The following STOML1 variants were observed in gnomAD, a reference collection of about 807,000 sequenced individuals.
STOML1 encodes stomatin-like protein 1.
In STOML1, 27 loss-of-function variants were observed where a neutral mutation model predicts 35.7. The observed-to-expected ratio is 0.76, with a 90% CI of 0.56 to 1.04. STOML1 has a LOEUF of 1.04. Ranked by LOEUF, STOML1 falls within the 50% of genes least tolerant of loss-of-function variation. The pLI is 0.00. For missense variants in STOML1, 451 were observed against 527.1 expected (o/e 0.86, Z 1.41); for synonymous variants, 219 against 227.9 (o/e 0.96, Z 0.35).
intron 2 of STOML1, among the ~76,000 whole-genome samples, chr15:73,989,689 G>T (rs1179983449): frequency 1.3e-5 from 2 of 152,192 alleles, no homozygotes; most frequent in Admixed American, 1.3e-4. Context: ...TCCTAGAGAA[G>T]TAGTGATGTC....
At chr15:73,993,029 A>G (rs1443511742), upstream of STOML1, among the ~76,000 whole-genome samples, 1 of 152,232 alleles carries the variant, frequency 6.6e-6, no homozygotes, top group African/African-American at 2.4e-5. Flanking sequence ...TGGCCTGGCC[A>G]GGTCACCGTG....
In STOML1 at chr15:73,988,366, G is replaced by A. The variant is rs1353999254; in HGVS notation, c.594+233C>T. ...GCAGACCCCAAGAATGTCTGCCGGGGCCACTTCCTCTTCTCAGGGACAAGT... is the reference window on the plus strand; with the variant it reads ...GCAGACCCCAAGAATGTCTGCCGGGACCACTTCCTCTTCTCAGGGACAAGT... On this transcript the variant is annotated intron_variant, in intron 4 of 6. Coordinates refer to ENST00000541638, the MANE Select transcript of STOML1 (RefSeq NM_004809.5). The surrounding 1 kb of genome is among the most constrained non-coding windows in gnomAD (Gnocchi z 4.8). The A allele has an allele frequency of 8.2e-5, 45 of 552,010 alleles. No individual in the cohort carries two copies. The highest frequency in any genetic ancestry group is 6.4e-6 in the Non-Finnish European group (2 of 310,676). The allele number at this position is 552,010 out of a possible 1,614,324, so 34.2% of individuals were successfully genotyped here. A position where few individuals can be genotyped will look rare whatever the true frequency, so the allele number is the denominator to read the frequency against.
At position 73,988,607 on chromosome 15, in the gene STOML1, G is replaced by A. The variant is rs764226631; in HGVS notation, c.586C>T (p.Gln196Ter). 4 of 1,614,212 alleles carry A rather than the reference G, an allele frequency of 2.5e-6. No homozygotes were observed. The South Asian group carries it at 3.3e-5, about 13-fold the overall frequency. Reference protein sequence around the residue: ...IQMEKLKISDQLLLEINDVTR... With the variant: ...IQMEKLKISD ...TGTGAGGGGCTGCCTACCAGAAGCT[G>A]GTCGCTGATCTTGAGCTTCTCCATC... The change falls in exon 4 of 7, where the codon CAG (glutamine) becomes TAG (stop). Residue 196 changes from glutamine (Q) to a stop codon, truncating the protein, a stop_gained. Transcript: ENST00000541638. LOFTEE classifies it high-confidence loss of function. This position sits in a 1 kb window ranked among gnomAD's most constrained non-coding sequence, Gnocchi z 4.8.
intron 6 of STOML1, 32 bp from the exon 7 acceptor site, chr15:73,984,162 G>A (rs761353483): frequency 6.9e-6 from 11 of 1,591,640 alleles, no homozygotes; most frequent in Non-Finnish European, 9.4e-6. Flanking sequence ...AGTGTCAGTA[G>A]GGGAATGGAG....
rs1567098298 is a variant in STOML1 at position 73,982,430 on chromosome 15, T to TTCCCTAGGAAG, written c.*1506_*1507insCTTCCTAGGGA. On this transcript the variant is annotated 3_prime_UTR_variant, in exon 7 of 7. Coordinates refer to ENST00000541638, the MANE Select transcript of STOML1 (RefSeq NM_004809.5). ...AGCCTGGGACTCTAGGAAGGGGCCC[T>TTCCCTAGGAAG]GGAAACCTGAACCTCAATGGCCATG... 1 of 152,886 alleles carries TTCCCTAGGAAG rather than the reference T, an allele frequency of 6.5e-6. No individual in the cohort carries two copies. Among genetic ancestry groups the TTCCCTAGGAAG allele is most frequent in the Non-Finnish European group, 1.5e-5 (1 of 68,624 alleles). The allele number at this position is 152,886 out of a possible 1,614,324, so 9.5% of individuals were successfully genotyped here.
chr15:73,979,581 A>C lies in STOML1; in HGVS notation c.*4356T>G, dbSNP rs948248486. ...CGGTCAGGCTGGTCTCAAACTCCTG[A>C]CCTCAGGTGATCCACCTGCCTCGGC... On this transcript the variant is annotated 3_prime_UTR_variant, in exon 7 of 7. Coordinates refer to ENST00000541638, the MANE Select transcript of STOML1 (RefSeq NM_004809.5). The C allele has an allele frequency of 1.3e-5, 2 of 152,178 alleles. No homozygotes were observed. The highest frequency in any genetic ancestry group is 2.4e-5 in the African/African-American group (1 of 41,424). The allele number at this position is 152,178 out of a possible 1,614,324, so 9.4% of individuals were successfully genotyped here. A position where few individuals can be genotyped will look rare whatever the true frequency, so the allele number is the denominator to read the frequency against.
At chr15:73,987,503 T>A (rs2069135490) in intron 4 of STOML1, 1 of 152,220 alleles carries the variant, frequency 6.6e-6, no homozygotes. Context: ...AGTTTTCTCT[T>A]CCTAAAGGTG....
upstream of STOML1, among the ~76,000 whole-genome samples, chr15:73,994,002 A>T (rs76741023): frequency 1.3e-5 from 2 of 151,144 alleles, no homozygotes; most frequent in Non-Finnish European, 2.9e-5. Flanking sequence ...TCTGCATCCC[A>T]CAGCCACTGT....
At chr15:73,989,282 G>A in intron 2 of STOML1, 25 bp from the exon 3 acceptor site, 2 of 1,559,898 alleles carry the variant, frequency 1.3e-6, no homozygotes, top group Non-Finnish European at 1.7e-6. Context: ...AAGGGAAAGA[G>A]TTGAAAGTGG....
At chr15:73,984,184 A>C in intron 6 of STOML1, 54 bp from the exon 7 acceptor site, 1 of 1,552,602 alleles carries the variant, frequency 6.4e-7, no homozygotes, top group Non-Finnish European at 8.8e-7. Flanking sequence ...AACGTGAAGG[A>C]GATCTATGGG....
chr15:73,983,680 C>T lies in STOML1; in HGVS notation c.*257G>A, dbSNP rs2068995391. 9 of 422,262 alleles carry T rather than the reference C, an allele frequency of 2.1e-5. No homozygotes were observed. The highest frequency in any genetic ancestry group is 6.1e-4 in the Middle Eastern group (1 of 1,644). The allele number at this position is 422,262 out of a possible 1,614,324, so 26.2% of individuals were successfully genotyped here. ...CCTGGCTCTCCTCCTGGAATCACACCGTGCACCCAGCTCAGCGCTGGGCAC... is the reference window on the plus strand; with the variant it reads ...CCTGGCTCTCCTCCTGGAATCACACTGTGCACCCAGCTCAGCGCTGGGCAC... On this transcript the variant is annotated 3_prime_UTR_variant, in exon 7 of 7. Coordinates refer to ENST00000541638, the MANE Select transcript of STOML1 (RefSeq NM_004809.5).
At chr15:73,993,590 C>A (rs1017449976), upstream of STOML1, among the ~76,000 whole-genome samples, 7 of 152,222 alleles carry the variant, frequency 4.6e-5, no homozygotes, top group Admixed American at 4.6e-4. Context: ...ATCTGCCCAA[C>A]CCCTGCTCTC....
chr15:73,988,902 C>A lies in STOML1; in HGVS notation c.391-100G>T. The A allele has an allele frequency of 6.6e-7, 1 of 1,508,716 alleles. No individual in the cohort carries two copies. The highest frequency in any genetic ancestry group is 9.0e-7 in the Non-Finnish European group (1 of 1,115,042). The allele number at this position is 1,508,716 out of a possible 1,614,324, so 93.5% of individuals were successfully genotyped here. On this transcript the variant is annotated intron_variant, in intron 3 of 6. Coordinates refer to ENST00000541638, the MANE Select transcript of STOML1 (RefSeq NM_004809.5). The surrounding 1 kb of genome is among the most constrained non-coding windows in gnomAD (Gnocchi z 4.8). The stretch of plus-strand genomic sequence containing the variant: ...CCAGCTTGAACCACCTGCTTGGCAG[C>A]TAGCTCCTCAAGGGCAAATGGTGTC...
chr15:73,983,849 T>A lies in STOML1; in HGVS notation c.*88A>T. The A allele has an allele frequency of 6.9e-7, 1 of 1,439,590 alleles. No homozygotes were observed. The allele number at this position is 1,439,590 out of a possible 1,614,324, so 89.2% of individuals were successfully genotyped here. On this transcript the variant is annotated 3_prime_UTR_variant, in exon 7 of 7. Coordinates refer to ENST00000541638, the MANE Select transcript of STOML1 (RefSeq NM_004809.5). ...AATTTGTTAGGGCCTCAACTCTCTG[T>A]GGTGCAGATGAACACCTCCTCCTCC...
At chr15:73,985,732 G>T in intron 4 of STOML1, 1 of 537,590 alleles carries the variant, frequency 1.9e-6, no homozygotes, top group Non-Finnish European at 3.2e-6. Flanking sequence ...GAGGAGGGTG[G>T]TGCCAGCAGG....
At position 73,992,158 on chromosome 15, in the gene STOML1, G is replaced by C. The variant is rs1355928887; in HGVS notation, c.66C>G (p.Ser22Arg). Residue 22 changes from serine to arginine, a missense_variant, in exon 1 of 7, where the codon AGC becomes AGG. Physicochemically the swap from Ser to Arg is moderately radical, Grantham distance 110. Transcript: ENST00000541638. ...LGDFDRFQQS[S>R]FGFLGSQKGC... ...CCTTCTGCGAGCCCAGAAAGCCGAA[G>C]CTCGACTGCTGGAAGCGGTCAAAAT... 3.1e-6 allele frequency: 5 copies of C among 1,609,230 alleles called. No homozygotes were observed. The highest frequency in any genetic ancestry group is 4.2e-6 in the Non-Finnish European group (5 of 1,178,308).
chr15:73,987,014 C>A (rs2141670010), intron 4 of STOML1: 1 of 154,366 alleles, frequency 6.5e-6, no homozygotes, highest in East Asian at 1.9e-4. Context: ...GGCAAGGAGG[C>A]AGGAAAGCAG....
In STOML1 at chr15:73,980,494, C is replaced by T. The variant is rs370096117; in HGVS notation, c.*3443G>A. ...CTGTCTGTGGTAACATGGAAAGATC[C>T]TCAGTGGGTAATGTTAAGTGAAAAA... On this transcript the variant is annotated 3_prime_UTR_variant, in exon 7 of 7. Transcript: ENST00000541638. 51 of 152,234 alleles carry T rather than the reference C, an allele frequency of 3.4e-4. No individual in the cohort carries two copies. The highest frequency in any genetic ancestry group is 1.1e-3 in the African/African-American group (47 of 41,530). 9.4% of individuals were successfully genotyped at this position (152,234 alleles called of 1,614,324 possible).
At chr15:73,989,001 C>A (rs1034350758) in intron 3 of STOML1, 107 bp downstream of exon 3, 4 of 1,496,650 alleles carry the variant, frequency 2.7e-6, no homozygotes, top group South Asian at 2.7e-5. Flanking sequence ...GTCTCTTCTT[C>A]CCCCTTCCCC....
Sources: allele counts gnomAD v4.1 joint callset (sites outside exome capture counted in the v4.1 genomes callset), GRCh38; gene constraint gnomAD v4.1.1; non-coding constraint Gnocchi (gnomAD v3.1); transcripts MANE v1.5; gene names NCBI Gene and HGNC (gene_info 2026-07-23, HGNC 2026-07-21).